The following CIDEB variants were observed in gnomAD, a reference collection of about 807,000 sequenced individuals.
CIDEB encodes cell death inducing DFFA like effector b.
A neutral mutation model predicts 22.4 loss-of-function variants in CIDEB; 27 were observed. The observed-to-expected ratio is 1.21, with a 90% CI of 0.89 to 1.66. The LOEUF (loss-of-function observed/expected upper bound fraction) is 1.66, where lower values mean the gene tolerates loss of function less well. Ranked by LOEUF, CIDEB falls within the 40% of genes most tolerant of loss-of-function variation. The pLI is 0.00. For synonymous variants in CIDEB, 103 were observed against 109.5 expected (o/e 0.94, Z 0.37); for missense variants, 289 against 268.7 (o/e 1.08, Z -0.53).
chr14:24,307,884 G>A lies in CIDEB; in HGVS notation c.-26C>T, dbSNP rs370279393. ...GGTGGACCGGAGAGTTCCTTCCCTG[G>A]AACTTCTGGGCTGGGTGGTTCTCTC... On this transcript the variant is annotated 5_prime_UTR_variant, in exon 1 of 5. Coordinates refer to ENST00000554411, the MANE Select transcript of CIDEB (RefSeq NM_001393339.1). 1 of 1,572,352 alleles carries A rather than the reference G, an allele frequency of 6.4e-7. No homozygotes were observed. The highest frequency in any genetic ancestry group is 8.6e-7 in the Non-Finnish European group (1 of 1,157,308).
chr14:24,310,794 A>G, upstream of CIDEB: 3 of 1,603,892 alleles, frequency 1.9e-6, no homozygotes, highest in Non-Finnish European at 2.5e-6. Context: ...CGTGGTGTGG[A>G]GCTTGGCGGG....
chr14:24,307,815 C>T lies in CIDEB; in HGVS notation c.41+3G>A. 6.3e-7 allele frequency: 1 copy of T among 1,593,790 alleles called. No homozygotes were observed. Among genetic ancestry groups the T allele is most frequent in the Non-Finnish European group, 8.5e-7 (1 of 1,169,676 alleles). ...GAGGGTAGAGCGGAGGGTTAGCAGT[C>T]ACCTGAGTAAGTCACTGGGGTTCAG... On this transcript the variant is annotated splice_donor_region_variant and intron_variant, in intron 1 of 4. Transcript: ENST00000554411.
chr14:24,311,407 C>G, upstream of CIDEB: 1 of 1,601,658 alleles, frequency 6.2e-7, no homozygotes, highest in Non-Finnish European at 8.5e-7. Flanking sequence ...CTTCTGCAGG[C>G]GGTCGCAGCG....
At chr14:24,308,002 C>G (rs192460331), upstream of CIDEB, 7 of 743,186 alleles carry the variant, frequency 9.4e-6, no homozygotes, top group East Asian at 2.7e-5. Flanking sequence ...CTCTGGCCCC[C>G]CTGCCTGGCC....
upstream of CIDEB, chr14:24,311,376 G>A (rs763699381): frequency 1.9e-6 from 3 of 1,603,518 alleles, no homozygotes; most frequent in Non-Finnish European, 1.7e-6. Flanking sequence ...CTTGCTCTGG[G>A]CCCCCTACCA....
At chr14:24,307,263 G>A (rs1447759160) in intron 2 of CIDEB, 108 bp downstream of exon 2, 16 of 1,231,990 alleles carry the variant, frequency 1.3e-5, no homozygotes, top group African/African-American at 3.0e-5. Context: ...CTCAGAGGGA[G>A]GGGCAGCTGT....
intron 2 of CIDEB, 173 bp from the exon 3 acceptor site, chr14:24,306,696 G>T: frequency 4.1e-6 from 3 of 731,628 alleles, no homozygotes; most frequent in South Asian, 1.8e-5. Flanking sequence ...GTTTTTGGGG[G>T]ATCCTAGCTA....
chr14:24,310,855 T>C, upstream of CIDEB: 1 of 1,592,384 alleles, frequency 6.3e-7, no homozygotes, highest in African/African-American at 1.3e-5. Context: ...GTGCTGCACC[T>C]GGCGCTGGCC....
upstream of CIDEB, chr14:24,310,591 C>T (rs1325630528): frequency 3.4e-6 from 5 of 1,455,032 alleles, no homozygotes; most frequent in Non-Finnish European, 4.8e-6. Flanking sequence ...TCTCATCGGG[C>T]ATCACAGGTG....
chr14:24,309,810 A>C (rs1220587442), upstream of CIDEB: 1 of 152,648 alleles, frequency 6.6e-6, no homozygotes, highest in Non-Finnish European at 1.5e-5. Flanking sequence ...GGAAACAGGC[A>C]AGGATAAGGC....
chr14:24,306,333 A>G (rs1410150927), intron 3 of CIDEB, 41 bp downstream of exon 3: 56 of 1,613,012 alleles, frequency 3.5e-5, no homozygotes, highest in Non-Finnish European at 4.2e-5. Flanking sequence ...GAAAGCTCTA[A>G]AGGACAGGCA....
chr14:24,311,055 C>A, upstream of CIDEB: 1 of 1,571,626 alleles, frequency 6.4e-7, no homozygotes, highest in Non-Finnish European at 8.6e-7. Flanking sequence ...CCTGGCGCCT[C>A]GGCTGCGCAG....
chr14:24,306,099 G>A lies in CIDEB; in HGVS notation c.375C>T (p.Pro125=). 6.2e-7 allele frequency: 1 copy of A among 1,614,062 alleles called. No individual in the cohort carries two copies. The highest frequency in any genetic ancestry group is 8.5e-7 in the Non-Finnish European group (1 of 1,179,996). The change falls in exon 4 of 5, where the codon CCC becomes CCT. Residue 125 remains proline, a synonymous_variant. Coordinates refer to ENST00000554411, the MANE Select transcript of CIDEB (RefSeq NM_001393339.1). Reference sequence around the variant, plus strand: ...ATCGGGCGATGTCCTTGCTGTGCTTGGGCCTCTCCCGTCCCAGGCCATATG... The same window carrying A: ...ATCGGGCGATGTCCTTGCTGTGCTTAGGCCTCTCCCGTCCCAGGCCATATG... ...VLSYGLGRER[P]KHSKDIARFT... is the part of the protein sequence containing the mutation.
chr14:24,307,548 G>A (rs751337803), intron 1 of CIDEB, 33 bp from the exon 2 acceptor site: 13 of 1,606,332 alleles, frequency 8.1e-6, no homozygotes, highest in Admixed American at 3.4e-5. Flanking sequence ...AAGAAGGGGC[G>A]AGGAGGGGCT....
At chr14:24,310,857 G>C (rs2041671694), upstream of CIDEB, 1 of 1,592,136 alleles carries the variant, frequency 6.3e-7, no homozygotes, top group East Asian at 2.2e-5. Flanking sequence ...GCTGCACCTG[G>C]CGCTGGCCGA....
intron 1 of CIDEB, 32 bp from the exon 2 acceptor site, chr14:24,307,547 C>T (rs766313583): frequency 6.2e-6 from 10 of 1,604,404 alleles, no homozygotes; most frequent in Admixed American, 1.7e-5. Context: ...CAAGAAGGGG[C>T]GAGGAGGGGC....
chr14:24,305,910 G>T (rs763090503), intron 4 of CIDEB, 37 bp downstream of exon 4: 4 of 1,598,618 alleles, frequency 2.5e-6, no homozygotes, highest in Non-Finnish European at 2.6e-6. Flanking sequence ...CTATCCAACT[G>T]TAGGGGATGG....
At position 24,306,152 on chromosome 14, in the gene CIDEB, T is replaced by A; in HGVS notation, c.337-15A>T. ...AGCACTCCACTCTGTAGGACACCCT[T>A]GTCAGTGCAGTAGATCCTCATACCA... On this transcript the variant is annotated splice_polypyrimidine_tract_variant and intron_variant, in intron 3 of 4. Transcript: ENST00000554411. 1 of 1,610,636 alleles carries A rather than the reference T, an allele frequency of 6.2e-7. No homozygotes were observed. Among genetic ancestry groups the A allele is most frequent in the East Asian group, 2.2e-5 (1 of 44,844 alleles).
chr14:24,308,070 A>G, upstream of CIDEB: 1 of 597,062 alleles, frequency 1.7e-6, no homozygotes, highest in Non-Finnish European at 3.0e-6. Flanking sequence ...GGGGTCCTGG[A>G]GGAAGAATTG....
Sources: allele counts gnomAD v4.1 joint callset, GRCh38; gene constraint gnomAD v4.1.1; transcripts MANE v1.5; gene names NCBI Gene and HGNC (gene_info 2026-07-23, HGNC 2026-07-21).